Variants in TRPM5 observed in about 807,000 individuals in gnomAD.
TRPM5 encodes MLSN1 and TRP-related.
In TRPM5, 121 loss-of-function variants were observed where a neutral mutation model predicts 124.9. The observed-to-expected ratio is 0.97, with a 90% CI of 0.84 to 1.13. The LOEUF is 1.13. Among genes scored for constraint, TRPM5 ranks in the 50% most tolerant of loss-of-function variants. TRPM5 has a pLI of 0.00. For synonymous variants in TRPM5, 781 were observed against 700.5 expected, an observed-to-expected ratio of 1.11 and a Z score of -1.81; for missense variants, 1,643 against 1,589.1, an observed-to-expected ratio of 1.03 and a Z score of -0.58.
exon 24 of TRPM5, chr11:2,405,029 C>A: frequency 6.2e-7 from 1 of 1,612,592 alleles, no homozygotes; most frequent in Non-Finnish European, 8.5e-7. Context: ...CTTCCCTCGC[C>A]ACAGTGCTGA....
intron 18 of TRPM5, among the ~76,000 whole-genome samples, chr11:2,409,349 G>A (rs552429301): frequency 5.9e-5 from 9 of 152,206 alleles, no homozygotes; most frequent in South Asian, 4.1e-4. Context: ...TTGTGAAGCC[G>A]TAAATCTGTC....
intron 18 of TRPM5, among the ~76,000 whole-genome samples, chr11:2,408,638 A>AATGGGAGCT (rs1850374935): frequency 6.6e-6 from 1 of 151,932 alleles, no homozygotes; most frequent in South Asian, 2.1e-4. Flanking sequence ...TTAAAACCAG[A>AATGGGAGCT]CCCTCACACC....
At chr11:2,442,664 T>C in the TRPM5 span, among the ~76,000 whole-genome samples, 2 of 152,228 alleles carry the variant, frequency 1.3e-5, no homozygotes, top group Admixed American at 1.3e-4. This position sits in a 1 kb window ranked among gnomAD's most constrained non-coding sequence, Gnocchi z 5.9. Flanking sequence ...CATTTAGTAA[T>C]ATCGCTAGGT....
exon 24 of TRPM5, chr11:2,404,738 T>C: frequency 7.1e-6 from 4 of 565,890 alleles, no homozygotes; most frequent in Non-Finnish European, 9.5e-6. Flanking sequence ...ATGACACTGC[T>C]GTGCCTCCGG....
chr11:2,411,635 C>T, exon 17 of TRPM5: 1 of 1,612,610 alleles, frequency 6.2e-7, no homozygotes, highest in Non-Finnish European at 8.5e-7. Context: ...GGGGGCTCAC[C>T]ATGCGCTCTA....
chr11:2,418,724 C>T, intron 4 of TRPM5, 133 bp from the exon 10 acceptor site: 1 of 865,194 alleles, frequency 1.2e-6, no homozygotes, highest in Non-Finnish European at 1.8e-6. Flanking sequence ...TCGTCTGGGC[C>T]ACGTGACACA....
At chr11:2,425,271 G>A (rs897340338), upstream of TRPM5, among the ~76,000 whole-genome samples, 1 of 152,210 alleles carries the variant, frequency 6.6e-6, no homozygotes, top group Admixed American at 6.5e-5. Context: ...CCAGGCATCG[G>A]CAGGGCCGTG....
chr11:2,408,011 C>A, intron 18 of TRPM5, 99 bp from the exon 24 acceptor site: 1 of 1,463,180 alleles, frequency 6.8e-7, no homozygotes, highest in Non-Finnish European at 9.2e-7. Context: ...TGGTGTTGAA[C>A]CCAGGGGACG....
chr11:2,423,184 C>G (rs955698450), upstream of TRPM5: 4 of 654,758 alleles, frequency 6.1e-6, no homozygotes, highest in African/African-American at 7.3e-5. Flanking sequence ...GGACTGCCCC[C>G]AGGCATCTCT....
chr11:2,430,590 ATGG>A, the TRPM5 span, among the ~76,000 whole-genome samples: 84 of 141,650 alleles, frequency 5.9e-4, 2 homozygotes, highest in South Asian at 1.4e-3. Context: ...GACGGTGTTG[ATGG>A]TGGTGGTGGT....
exon 10 of TRPM5, chr11:2,414,989 T>C (rs1272743658): frequency 1.2e-6 from 2 of 1,606,554 alleles, no homozygotes; most frequent in Non-Finnish European, 1.7e-6. Flanking sequence ...GTTCTCGCTC[T>C]TCTGGTTCAG....
At chr11:2,440,005 A>C in the TRPM5 span, among the ~76,000 whole-genome samples, 2 of 152,222 alleles carry the variant, frequency 1.3e-5, no homozygotes, top group Admixed American at 6.5e-5. This position sits in a 1 kb window ranked among gnomAD's most constrained non-coding sequence, Gnocchi z 5.2. Context: ...GCCATGAAAA[A>C]GAATAAAACC....
At chr11:2,406,573 G>A in intron 21 of TRPM5, 88 bp downstream of exon 26, 1 of 1,505,006 alleles carries the variant, frequency 6.6e-7, no homozygotes, top group Admixed American at 2.0e-5. Context: ...CAGTTCGCCA[G>A]CTCAGATCCT....
At chr11:2,422,157 C>T in exon 2 of TRPM5, 1 of 1,608,954 alleles carries the variant, frequency 6.2e-7, no homozygotes, top group Non-Finnish European at 8.5e-7. Flanking sequence ...TCTGAGCCGC[C>T]TTCACCAGCC....
chr11:2,415,826 C>T (rs1222322207), intron 8 of TRPM5, 80 bp downstream of exon 13: 4 of 1,089,500 alleles, frequency 3.7e-6, no homozygotes, highest in Non-Finnish European at 5.4e-6. Context: ...CCAAGCAGCC[C>T]ACAGGGTGCA....
the TRPM5 span, among the ~76,000 whole-genome samples, chr11:2,443,730 G>A: frequency 2.9e-3 from 449 of 152,224 alleles, 1 homozygote; most frequent in African/African-American, 0.01. The surrounding 1 kb of genome is among the most constrained non-coding windows in gnomAD (Gnocchi z 5.0). Context: ...CTGGCGGGGC[G>A]GAGAGTCACC....
intron 7 of TRPM5, among the ~76,000 whole-genome samples, chr11:2,416,986 T>C (rs1410041003): frequency 6.6e-6 from 1 of 152,114 alleles, no homozygotes; most frequent in East Asian, 1.9e-4. Context: ...CAGGGAACCA[T>C]GGACACGAAA....
chr11:2,433,319 A>G, the TRPM5 span, among the ~76,000 whole-genome samples: 3 of 152,230 alleles, frequency 2.0e-5, no homozygotes, highest in Non-Finnish European at 4.4e-5. Flanking sequence ...CTCCCCGCAG[A>G]GGGTGCTTGG....
chr11:2,416,398 G>T (rs1322987038), intron 7 of TRPM5, among the ~76,000 whole-genome samples: 4 of 152,162 alleles, frequency 2.6e-5, no homozygotes, highest in Non-Finnish European at 5.9e-5. Context: ...TCCTCCACGG[G>T]CAAGGGCATT....
Sources: gnomAD v4.1 joint callset for allele counts (sites outside exome capture counted in the v4.1 genomes callset) on GRCh38, gnomAD v4.1.1 for gene constraint, Gnocchi (gnomAD v3.1) non-coding constraint, MANE v1.5 for transcripts, NCBI Gene and HGNC (gene_info 2026-07-23, HGNC 2026-07-21) for gene names.